The following MAP2K4 variants were observed in gnomAD, a reference collection of about 807,000 sequenced individuals.
MAP2K4 encodes the protein dual specificity mitogen-activated protein kinase kinase 4.
Under a neutral mutation model 48.5 loss-of-function variants are expected in MAP2K4, and 4 were observed. The observed-to-expected ratio is 0.08, with a 90% CI of 0.04 to 0.19. The LOEUF is 0.19. Ranked by LOEUF, MAP2K4 falls within the 10% of genes least tolerant of loss-of-function variation. MAP2K4 has a pLI of 1.00. For missense variants in MAP2K4, 258 were observed against 493.3 expected (o/e 0.52, Z 4.52); for synonymous variants, 166 against 173.1 (o/e 0.96, Z 0.32).
chr17:12,096,699 A>G (rs1240263641), intron 4 of MAP2K4, among the ~76,000 whole-genome samples: 1 of 152,176 alleles, frequency 6.6e-6, no homozygotes, highest in Non-Finnish European at 1.5e-5. Flanking sequence ...TAAAATTAAT[A>G]TATATTTTTG....
chr17:12,124,601 C>G (rs28923234), intron 7 of MAP2K4: 1 of 152,102 alleles, frequency 6.6e-6, no homozygotes, highest in African/African-American at 2.4e-5. Context: ...TTTTAAAAAT[C>G]GAAGACAGTC....
chr17:12,113,147 G>T, intron 6 of MAP2K4, 86 bp from the exon 7 acceptor site: 1 of 1,305,952 alleles, frequency 7.7e-7, no homozygotes, highest in Non-Finnish European at 1.1e-6. Context: ...GTTGTCTAAG[G>T]TTTTTCAATA....
intron 6 of MAP2K4, among the ~76,000 whole-genome samples, chr17:12,111,944 G>T (rs956955844): frequency 1.3e-5 from 2 of 152,168 alleles, no homozygotes; most frequent in African/African-American, 4.8e-5. Context: ...TCGTGAAGAA[G>T]AGGTGCTCTC....
intron 1 of MAP2K4, chr17:12,021,320 T>A (rs2151501645): frequency 5.7e-6 from 1 of 176,020 alleles, no homozygotes; most frequent in South Asian, 2.0e-4. Flanking sequence ...CCCCGCCGCT[T>A]ACCTGGCGCC....
At chr17:12,049,531 C>T (rs909788152) in intron 1 of MAP2K4, among the ~76,000 whole-genome samples, 5 of 152,114 alleles carry the variant, frequency 3.3e-5, no homozygotes, top group African/African-American at 1.2e-4. Context: ...CCTGAGCTTG[C>T]TTATATGTAT....
At chr17:12,109,043 A>G (rs1012420287) in intron 5 of MAP2K4, among the ~76,000 whole-genome samples, 9 of 152,106 alleles carry the variant, frequency 5.9e-5, no homozygotes, top group Admixed American at 1.3e-4. Context: ...GCATCAAACT[A>G]TTTGTGACAT....
Position 12,125,316 on chromosome 17 carries a change from C to T in MAP2K4, c.836C>T (p.Ala279Val), listed in dbSNP as rs1183392154. The T allele has an allele frequency of 6.2e-7, 1 of 1,613,938 alleles. No homozygotes were observed. Residue 279 changes from alanine (A) to valine (V), a missense_variant, in exon 8 of 11, where the codon GCA becomes GTA. Ala to Val is a moderately conservative substitution (Grantham distance 64). This residue lies in a region of MAP2K4 where 132 missense variants were observed against 352.8 expected (regional missense o/e 0.37). Transcript: ENST00000353533. ...CAGCCTGAAAGAATAGACCCAAGCG[C>T]ATCACGACAAGGATATGATGTCCGC... Reference protein sequence around the residue: ...YMAPERIDPSASRQGYDVRSD... With the variant: ...YMAPERIDPSVSRQGYDVRSD...
At chr17:12,065,632 C>T (rs1299957804) in intron 2 of MAP2K4, among the ~76,000 whole-genome samples, 1 of 152,024 alleles carries the variant, frequency 6.6e-6, no homozygotes, top group Non-Finnish European at 1.5e-5. Context: ...GATGGGGTTT[C>T]GCCATGTTGG....
rs28923208 is a variant in MAP2K4 at position 12,106,323 on chromosome 17, AAG to A, written c.514-1463_514-1462del. Among the ~76,000 whole-genome samples the A allele has an allele frequency of 4.5e-3, 691 of 152,286 alleles. 10 individuals carry two copies. The highest frequency in any genetic ancestry group is 0.016 in the African/African-American group (661 of 41,572). Reference sequence around the variant, plus strand: ...ATTCTCATAGATCACTCTAAAGAAAAAGAGATTTACAGAGAGAAGAAAGATTT... The same window carrying A: ...ATTCTCATAGATCACTCTAAAGAAAAAGATTTACAGAGAGAAGAAAGATTT... On this transcript the variant is annotated intron_variant, in intron 4 of 10. Coordinates refer to ENST00000353533, the MANE Select transcript of MAP2K4 (RefSeq NM_003010.4).
chr17:12,065,081 A>C (rs1434005031), intron 2 of MAP2K4, among the ~76,000 whole-genome samples: 1 of 152,038 alleles, frequency 6.6e-6, no homozygotes, highest in Non-Finnish European at 1.5e-5. Flanking sequence ...GGAACCAGGG[A>C]ATTTTCTGAG....
At chr17:12,125,512 AGTATGTATTTATTTACTTT>A in intron 8 of MAP2K4, 141 bp downstream of exon 8, 2 of 663,254 alleles carry the variant, frequency 3.0e-6, no homozygotes, top group African/African-American at 1.8e-5. Flanking sequence ...AAAAAAAAAA[AGTATGTATTTATTTACTTT>A]AAAAATCAAA....
chr17:12,120,009 G>C (rs1972631772), intron 7 of MAP2K4, among the ~76,000 whole-genome samples: 1 of 152,208 alleles, frequency 6.6e-6, no homozygotes, highest in Non-Finnish European at 1.5e-5. Flanking sequence ...GCCTACTTGA[G>C]TGTGGGAGGT....
chr17:12,077,213 G>A (rs147292871), intron 2 of MAP2K4, among the ~76,000 whole-genome samples: 2 of 152,254 alleles, frequency 1.3e-5, no homozygotes, highest in South Asian at 2.1e-4. Flanking sequence ...CCTGTTGCTG[G>A]AACTGCTCTG....
intron 4 of MAP2K4, among the ~76,000 whole-genome samples, chr17:12,099,616 G>A (rs918407040): frequency 6.6e-6 from 1 of 152,138 alleles, no homozygotes; most frequent in African/African-American, 2.4e-5. Flanking sequence ...AAAGTCCAAA[G>A]TACAGCTTGG....
Position 12,132,182 on chromosome 17 carries a change from A to G in MAP2K4, c.1040+2895A>G, listed in dbSNP as rs563218963. On this transcript the variant is annotated intron_variant, in intron 9 of 10. Coordinates refer to ENST00000353533, the MANE Select transcript of MAP2K4 (RefSeq NM_003010.4). ...CTTTGAAAAACAAGCAGTATCCAGT[A>G]TAGCTGATCTAATATGGTTGATGTA... Among the ~76,000 whole-genome samples the G allele has an allele frequency of 2.6e-5, 4 of 152,356 alleles. No individual in the cohort carries two copies. The South Asian group carries it at 6.2e-4, about 24-fold the overall frequency.
At position 12,143,383 on chromosome 17, in the gene MAP2K4, A is replaced by C. The variant is rs1458876055; in HGVS notation, c.*2123A>C. On this transcript the variant is annotated 3_prime_UTR_variant, in exon 11 of 11. Coordinates refer to ENST00000353533, the MANE Select transcript of MAP2K4 (RefSeq NM_003010.4). ...ATTATAAACTATAAACTTAAGGGCA[A>C]GGAGTTTATTACAATGTATCTTTAT... 1 of 232,870 alleles carries C rather than the reference A, an allele frequency of 4.3e-6. No individual in the cohort carries two copies. The highest frequency in any genetic ancestry group is 8.5e-6 in the Non-Finnish European group (1 of 117,640). 14.4% of individuals were successfully genotyped at this position (232,870 alleles called of 1,614,324 possible).
intron 2 of MAP2K4, among the ~76,000 whole-genome samples, chr17:12,079,754 A>T (rs1971129474): frequency 1.3e-5 from 2 of 152,236 alleles, no homozygotes; most frequent in African/African-American, 4.8e-5. Flanking sequence ...TATACATGGA[A>T]CTTCTTCATG....
rs185751747 is a variant in MAP2K4 at position 12,113,150 on chromosome 17, T to G, written c.686-83T>G. Reference sequence around the variant, plus strand: ...TTGACCACTTATGTTGTCTAAGGTTTTTCAATATTTTTGCTTAAAGTGAAG... The same window carrying G: ...TTGACCACTTATGTTGTCTAAGGTTGTTCAATATTTTTGCTTAAAGTGAAG... On this transcript the variant is annotated intron_variant, in intron 6 of 10. Coordinates refer to ENST00000353533, the MANE Select transcript of MAP2K4 (RefSeq NM_003010.4). The G allele has an allele frequency of 1.6e-3, 2,202 of 1,340,956 alleles. 5 individuals are homozygous for G. The highest frequency in any genetic ancestry group is 2.0e-3 in the Non-Finnish European group (1,977 of 967,474). 83.1% of individuals were successfully genotyped at this position (1,340,956 alleles called of 1,614,324 possible).
intron 3 of MAP2K4, among the ~76,000 whole-genome samples, chr17:12,092,080 C>G (rs1278042439): frequency 1.3e-5 from 2 of 152,034 alleles, no homozygotes; most frequent in Admixed American, 6.6e-5. Flanking sequence ...ATATAAAAAA[C>G]TTAATGTTCT....
Sources: gnomAD v4.1 joint callset for allele counts (sites outside exome capture counted in the v4.1 genomes callset) on GRCh38, gnomAD v4.1.1 for gene constraint, gnomAD v4.1.1 regional missense constraint, MANE v1.5 for transcripts, NCBI Gene and HGNC (gene_info 2026-07-23, HGNC 2026-07-21) for gene names.